The following RBFOX1 variants were observed in gnomAD, a reference collection of about 807,000 sequenced individuals.
The protein encoded by RBFOX1 is RNA binding fox-1 homolog 1.
A neutral mutation model predicts 57.7 loss-of-function variants in RBFOX1; 8 were observed. That is an observed-to-expected ratio of 0.14 (90% CI 0.08 to 0.25). The LOEUF (loss-of-function observed/expected upper bound fraction) is 0.25. Ranked by LOEUF, RBFOX1 falls within the 10% of genes least tolerant of loss-of-function variation. The pLI, the probability that RBFOX1 is intolerant of heterozygous loss-of-function variation, is 1.00. For synonymous variants in RBFOX1, 326 were observed against 222.4 expected (o/e 1.47, Z -4.15); for missense variants, 611 against 548.5 (o/e 1.11, Z -1.14).
intron 1 of RBFOX1, among the ~76,000 whole-genome samples, chr16:6,214,272 G>T (rs529810336): frequency 1.1e-4 from 16 of 152,018 alleles, no homozygotes; most frequent in Non-Finnish European, 2.2e-4. Context: ...ATGCTAGTAT[G>T]CATTAGGAAT....
chr16:7,534,049 A>T (rs2080847836), intron 5 of RBFOX1, among the ~76,000 whole-genome samples: 1 of 151,448 alleles, frequency 6.6e-6, no homozygotes, highest in Non-Finnish European at 1.5e-5. Flanking sequence ...ACTCAGATCC[A>T]GCCCTGATTC....
chr16:6,971,752 G>T (rs952537083), intron 3 of RBFOX1, among the ~76,000 whole-genome samples: 2 of 152,042 alleles, frequency 1.3e-5, no homozygotes, highest in African/African-American at 4.8e-5. Flanking sequence ...ACATCGTGGA[G>T]ATGTCACTTA....
intron 3 of RBFOX1, among the ~76,000 whole-genome samples, chr16:5,811,856 A>T (rs960122874): frequency 4.6e-5 from 7 of 152,212 alleles, no homozygotes; most frequent in African/African-American, 1.4e-4. Context: ...TTATGGAGTC[A>T]TGTAGGCGTT....
At chr16:6,650,593 C>G (rs910621492) in intron 2 of RBFOX1, among the ~76,000 whole-genome samples, 1 of 152,096 alleles carries the variant, frequency 6.6e-6, no homozygotes, top group Non-Finnish European at 1.5e-5. Flanking sequence ...GTTCCTGGCA[C>G]GAAAGAGGTA....
intron 12 of RBFOX1, among the ~76,000 whole-genome samples, chr16:7,656,167 C>T (rs2066249154): frequency 6.6e-6 from 1 of 152,120 alleles, no homozygotes; most frequent in Non-Finnish European, 1.5e-5. Context: ...AAGCAGGAGC[C>T]CCAGCAGGAC....
chr16:6,981,914 G>A (rs1006403065), intron 3 of RBFOX1, among the ~76,000 whole-genome samples: 3 of 152,166 alleles, frequency 2.0e-5, no homozygotes, highest in African/African-American at 7.2e-5. Flanking sequence ...GCTGCAGTGA[G>A]TATACGCATG....
At chr16:5,870,354 C>G (rs1023126511) in intron 4 of RBFOX1, among the ~76,000 whole-genome samples, 39 of 120,622 alleles carry the variant, frequency 3.2e-4, no homozygotes, top group African/African-American at 1.0e-3. Flanking sequence ...GTGCATCTTA[C>G]AGGTTGTAAT....
intron 4 of RBFOX1, among the ~76,000 whole-genome samples, chr16:5,974,311 G>A (rs934818076): frequency 3.3e-5 from 5 of 152,236 alleles, no homozygotes; most frequent in South Asian, 4.2e-4. Context: ...AAACATACCT[G>A]ATTAAAAGAG....
At chr16:6,819,313 T>C (rs2090798481) in intron 3 of RBFOX1, among the ~76,000 whole-genome samples, 1 of 152,140 alleles carries the variant, frequency 6.6e-6, no homozygotes, top group Non-Finnish European at 1.5e-5. Context: ...CTCACTTAGG[T>C]TTGAATTATT....
intron 1 of RBFOX1, among the ~76,000 whole-genome samples, chr16:6,067,331 T>C (rs2095779146): frequency 6.6e-6 from 1 of 151,406 alleles, no homozygotes; most frequent in South Asian, 2.1e-4. Context: ...CTGTGCCCGA[T>C]ATAGCTTCAT....
At chr16:6,848,180 C>T (rs1249450166) in intron 3 of RBFOX1, among the ~76,000 whole-genome samples, 1 of 151,880 alleles carries the variant, frequency 6.6e-6, no homozygotes, top group Non-Finnish European at 1.5e-5. Context: ...TGATCACAGC[C>T]TCCTTGTGGG....
chr16:7,320,482 T>G (rs2096526879), intron 4 of RBFOX1, among the ~76,000 whole-genome samples: 1 of 152,248 alleles, frequency 6.6e-6, no homozygotes, highest in Non-Finnish European at 1.5e-5. Flanking sequence ...CTATCTTTGA[T>G]GGGCATTTGT....
chr16:6,644,081 A>T (rs900178048), intron 2 of RBFOX1, among the ~76,000 whole-genome samples: 2 of 152,128 alleles, frequency 1.3e-5, no homozygotes, highest in Non-Finnish European at 2.9e-5. Context: ...AGCCAAGATC[A>T]CCCTACTGCA....
intron 11 of RBFOX1, among the ~76,000 whole-genome samples, chr16:7,652,705 C>T (rs771100095): frequency 6.6e-6 from 1 of 152,202 alleles, no homozygotes; most frequent in Non-Finnish European, 1.5e-5. Flanking sequence ...CGCGCCCAGC[C>T]CCCACATTCT....
chr16:7,240,162 T>A (rs1356297508), intron 4 of RBFOX1, among the ~76,000 whole-genome samples: 1 of 152,140 alleles, frequency 6.6e-6, no homozygotes, highest in African/African-American at 2.4e-5. Flanking sequence ...CGAAAGGGTT[T>A]CACCATGTTG....
intron 3 of RBFOX1, among the ~76,000 whole-genome samples, chr16:6,849,919 G>A (rs906445017): frequency 4.6e-5 from 7 of 152,104 alleles, no homozygotes; most frequent in Admixed American, 3.3e-4. Flanking sequence ...TCTCCCAGTT[G>A]ACTAGGAAGA....
intron 3 of RBFOX1, among the ~76,000 whole-genome samples, chr16:5,728,185 C>A (rs984781575): frequency 1.2e-4 from 19 of 152,094 alleles, no homozygotes; most frequent in Non-Finnish European, 1.3e-4. Flanking sequence ...TTGACAATAG[C>A]CAAGATATAC....
intron 1 of RBFOX1, among the ~76,000 whole-genome samples, chr16:5,255,354 C>CCATCCATCCATCCATCCATCCCTCCA (rs1555468931): frequency 1.4e-4 from 12 of 86,252 alleles, no homozygotes; most frequent in East Asian, 3.6e-4. Flanking sequence ...CCATCCATCC[C>CCATCCATCCATCCATCCATCCCTCCA]TCCATCCATC....
chr16:7,315,992 G>C (rs760439315), intron 4 of RBFOX1, among the ~76,000 whole-genome samples: 4 of 152,158 alleles, frequency 2.6e-5, no homozygotes, highest in Non-Finnish European at 4.4e-5. Context: ...TATGCAATTA[G>C]CACTTGGGAT....
Sources: allele counts gnomAD v4.1 joint callset (sites outside exome capture counted in the v4.1 genomes callset), GRCh38; gene constraint gnomAD v4.1.1; transcripts MANE v1.5; gene names NCBI Gene and HGNC (gene_info 2026-07-23, HGNC 2026-07-21).